Variants in COL6A1 observed in about 807,000 individuals in gnomAD.
COL6A1 encodes collagen alpha-1(VI) chain.
COL6A1 carries 80 observed loss-of-function variants against 145.6 expected under a neutral mutation model. That is an observed-to-expected ratio of 0.55 (90% CI 0.46 to 0.66). COL6A1 has a LOEUF of 0.66. Ranked by LOEUF, COL6A1 falls within the 30% of genes least tolerant of loss-of-function variation. COL6A1 has a pLI of 0.00. For missense variants in COL6A1, 1,364 were observed against 1,473.8 expected (o/e 0.93, Z 1.22); for synonymous variants, 638 against 622.8 (o/e 1.02, Z -0.36).
chr21:46,001,812 C>T (rs981665360), intron 30 of COL6A1, 149 bp from the exon 31 acceptor site: 5 of 698,632 alleles, frequency 7.2e-6, no homozygotes, highest in Admixed American at 2.1e-5. Context: ...ACCCTCTGTG[C>T]ACCCAGAGCC....
rs1238915339 is a variant in COL6A1, at chr21:45,994,708, C to A, written c.1398+479C>A. Among the ~76,000 whole-genome samples, 2 of 152,200 alleles carry A rather than the reference C, an allele frequency of 1.3e-5. No individual in the cohort carries two copies. Among genetic ancestry groups the A allele is most frequent in the Non-Finnish European group, 2.9e-5 (2 of 68,032 alleles). ...CTTTCATCTCATTCTAAATTCCCTTCTCCGAGCCTCTGGAATCGCTGTGCA... is the reference window on the plus strand; with the variant it reads ...CTTTCATCTCATTCTAAATTCCCTTATCCGAGCCTCTGGAATCGCTGTGCA... On this transcript the variant is annotated intron_variant, in intron 20 of 34. Coordinates refer to ENST00000361866, the MANE Select transcript of COL6A1 (RefSeq NM_001848.3). The surrounding 1 kb of genome is among the most constrained non-coding windows in gnomAD (Gnocchi z 6.8).
In COL6A1 at chr21:45,999,606, G is replaced by A. The variant is rs75434097; in HGVS notation, c.1741-51G>A. 222,675 of 1,601,838 alleles carry A rather than the reference G, an allele frequency of 0.14. 16,042 individuals are homozygous for A. Among genetic ancestry groups the A allele is most frequent in the African/African-American group, 0.16 (12,047 of 74,718 alleles). ...GGTGGGGGCTGTCTCAGCTCAGGAAGCACAGTGGGCTCCTCACCCTCAGAG... is the reference window on the plus strand; with the variant it reads ...GGTGGGGGCTGTCTCAGCTCAGGAAACACAGTGGGCTCCTCACCCTCAGAG... On this transcript the variant is annotated intron_variant, in intron 26 of 34. Transcript: ENST00000361866.
At chr21:45,999,276 G>A in intron 26 of COL6A1, 58 bp downstream of exon 26, 1 of 1,474,924 alleles carries the variant, frequency 6.8e-7, no homozygotes, top group Non-Finnish European at 9.3e-7. Flanking sequence ...GCCGGATGCT[G>A]GGGCTGGGGA....
chr21:46,002,093 A>G (rs368332566), intron 31 of COL6A1, 23 bp downstream of exon 31: 4 of 1,598,446 alleles, frequency 2.5e-6, no homozygotes, highest in Non-Finnish European at 3.4e-6. Context: ...CGCGGCCAGG[A>G]CCCTCCCACC....
At chr21:45,983,368 C>A (rs954519513) in intron 2 of COL6A1, among the ~76,000 whole-genome samples, 1 of 147,480 alleles carries the variant, frequency 6.8e-6, no homozygotes, top group African/African-American at 2.6e-5. Flanking sequence ...AGAGGGGAGT[C>A]GGTCCTGTGG....
chr21:46,002,209 G>T lies in COL6A1; in HGVS notation c.2067-9G>T. 1 of 1,597,348 alleles carries T rather than the reference G, an allele frequency of 6.3e-7. No individual in the cohort carries two copies. The highest frequency in any genetic ancestry group is 8.5e-7 in the Non-Finnish European group (1 of 1,175,432). ...CCCCAACCGGCCCTTCCTGCCCTTT[G>T]CTATGCAGAGCCATCAAGAGCCTGC... is the stretch of plus-strand genomic sequence containing the variant. On this transcript the variant is annotated splice_polypyrimidine_tract_variant and intron_variant, in intron 31 of 34. Coordinates refer to ENST00000361866, the MANE Select transcript of COL6A1 (RefSeq NM_001848.3).
chr21:45,995,903 C>T (rs541532743), intron 20 of COL6A1, among the ~76,000 whole-genome samples: 1 of 150,312 alleles, frequency 6.7e-6, no homozygotes, highest in South Asian at 2.1e-4. Flanking sequence ...ATTTGTCCAT[C>T]GGGACGTTGG....
intron 24 of COL6A1, 71 bp from the exon 25 acceptor site, chr21:45,998,825 TC>T: frequency 1.3e-6 from 2 of 1,495,052 alleles, no homozygotes; most frequent in Non-Finnish European, 1.8e-6. Context: ...TTTATTTTTT[TC>T]CTTTTAAAAT....
Position 45,997,707 on chromosome 21 carries a change from G to T in COL6A1, c.1469G>T (p.Arg490Ile). Residue 490 changes from arginine to isoleucine, a missense_variant, in exon 22 of 35, where the codon AGA becomes ATA. Arg to Ile is a moderately conservative substitution (Grantham distance 97, BLOSUM62 -3). Transcript: ENST00000361866. ...DEGPPGSEGA[R>I]GAPGPAGPPG... ...CCTCCTCTTCCTCCTCAGGGTGCCAGAGGAGCCCCAGGACCTGCCGGACCC... is the reference window on the plus strand; with the variant it reads ...CCTCCTCTTCCTCCTCAGGGTGCCATAGGAGCCCCAGGACCTGCCGGACCC... The T allele has an allele frequency of 6.3e-7, 1 of 1,591,432 alleles. No homozygotes were observed. The highest frequency in any genetic ancestry group is 2.3e-5 in the East Asian group (1 of 43,772).
chr21:46,000,473 G>C (rs2077837142), intron 28 of COL6A1, 106 bp downstream of exon 28: 1 of 1,394,992 alleles, frequency 7.2e-7, no homozygotes, highest in South Asian at 1.2e-5. Flanking sequence ...TGGGTCTCTG[G>C]GTACATCCTT....
In COL6A1 at chr21:45,997,404, TATCC is replaced by T. The variant is rs1569518652; in HGVS notation, c.1399-13_1399-10del. ...GTGAGGCCTGTGGTCCAACGTGCCA[TATCC>T]ATCTCTCTACAGGGCGAGGCTGGCC... On this transcript the variant is annotated splice_polypyrimidine_tract_variant and intron_variant, in intron 20 of 34. Transcript: ENST00000361866. 6.2e-7 allele frequency: 1 copy of T among 1,612,486 alleles called. No homozygotes were observed.
At chr21:45,991,877 G>A in intron 15 of COL6A1, 133 bp from the exon 16 acceptor site, 1 of 846,890 alleles carries the variant, frequency 1.2e-6, no homozygotes, top group Non-Finnish European at 1.9e-6. Context: ...GTGCTGGGGG[G>A]TCTGGGCTCA....
chr21:46,003,989 C>G lies in COL6A1; in HGVS notation c.3063C>G (p.Val1021=). Residue 1021 remains valine, a synonymous_variant, in exon 35 of 35, where the codon GTC becomes GTG. Coordinates refer to ENST00000361866, the MANE Select transcript of COL6A1 (RefSeq NM_001848.3). ...TCCGCGGTGTCTTCCACCAGACAGT[C>G]TCCAGGAAGGTGGCGCTGGGCTAGC... ...ALLRGVFHQT[V]SRKVALG 2 of 1,613,162 alleles carry G rather than the reference C, an allele frequency of 1.2e-6. No homozygotes were observed. Among genetic ancestry groups the G allele is most frequent in the Non-Finnish European group, 1.7e-6 (2 of 1,180,014 alleles).
In COL6A1 at chr21:45,997,517, C is replaced by G. The variant is rs571928860; in HGVS notation, c.1461+34C>G. 6.8e-4 allele frequency: 1,042 copies of G among 1,521,486 alleles called. 22 individuals are homozygous for G. In the South Asian group the frequency reaches 0.011, roughly 16 times the overall value. 94.2% of individuals were successfully genotyped at this position (1,521,486 alleles called of 1,614,324 possible). A position where few individuals can be genotyped will look rare whatever the true frequency, so the allele number is the denominator to read the frequency against. The stretch of plus-strand genomic sequence containing the variant: ...CACTCCCCACCCACACCCGCCCACC[C>G]AGGGGGGCCTGAGGATCCAGAACCC... On this transcript the variant is annotated intron_variant, in intron 21 of 34. Transcript: ENST00000361866.
At chr21:45,986,851 C>T in intron 4 of COL6A1, 93 bp from the exon 5 acceptor site, 1 of 1,528,852 alleles carries the variant, frequency 6.5e-7, no homozygotes, top group Non-Finnish European at 8.8e-7. Flanking sequence ...GCCTGGAGCG[C>T]CCCAGCCCAG....
intron 4 of COL6A1, 102 bp from the exon 5 acceptor site, chr21:45,986,842 C>G: frequency 6.6e-7 from 1 of 1,523,812 alleles, no homozygotes; most frequent in South Asian, 1.2e-5. Context: ...TGCTGAGGAG[C>G]CTGGAGCGCC....
intron 15 of COL6A1, 28 bp from the exon 16 acceptor site, chr21:45,991,982 C>T (rs763686299): frequency 5.1e-5 from 80 of 1,557,418 alleles, no homozygotes; most frequent in African/African-American, 2.3e-4. Context: ...CCCCTGCCAG[C>T]GTGTGTGACT....
At chr21:45,986,092 G>T (rs1461827698) in intron 3 of COL6A1, among the ~76,000 whole-genome samples, 1 of 152,182 alleles carries the variant, frequency 6.6e-6, no homozygotes, top group Non-Finnish European at 1.5e-5. Flanking sequence ...GGCATTCAGG[G>T]ATCGCCCTGT....
At position 45,998,911 on chromosome 21, in the gene COL6A1, C is replaced by T. The variant is rs1306481305; in HGVS notation, c.1626C>T (p.Tyr542=). The T allele has an allele frequency of 1.3e-6, 2 of 1,555,828 alleles. No homozygotes were observed. Among genetic ancestry groups the T allele is most frequent in the South Asian group, 2.4e-5 (2 of 84,456 alleles). The change falls in exon 25 of 35, where the codon TAC becomes TAT. Residue 542 remains tyrosine, a synonymous_variant. Transcript: ENST00000361866. The part of the protein sequence containing the change: ...GAPGINGTKG[Y]PGLKGDEGEA... ...CGTCACTGCAGGGCACGAAGGGCTACCCCGGCCTCAAGGGGGACGAGGGAG... is the reference window on the plus strand; with the variant it reads ...CGTCACTGCAGGGCACGAAGGGCTATCCCGGCCTCAAGGGGGACGAGGGAG...
Sources: allele counts gnomAD v4.1 joint callset (sites outside exome capture counted in the v4.1 genomes callset), GRCh38; gene constraint gnomAD v4.1.1; non-coding constraint Gnocchi (gnomAD v3.1); transcripts MANE v1.5; gene names NCBI Gene and HGNC (gene_info 2026-07-23, HGNC 2026-07-21).